SRPRB: variants seen among roughly 807,000 people sequenced by gnomAD.
The protein encoded by SRPRB is signal recognition particle receptor subunit beta.
In SRPRB, 20 loss-of-function variants were observed where a neutral mutation model predicts 31.9. The ratio of observed to expected loss-of-function variants is 0.63; its 90% confidence interval spans 0.44 to 0.91. The LOEUF (loss-of-function observed/expected upper bound fraction) is 0.91. SRPRB is among the 40% of genes least tolerant of loss of function. The probability of loss-of-function intolerance (pLI) is 0.00; values close to 1 mark genes in which losing one functional copy is unlikely to be tolerated. For missense variants in SRPRB, 321 were observed against 324.9 expected (o/e 0.99, Z 0.09); for synonymous variants, 146 against 132.8 (o/e 1.10, Z -0.68).
chr3:133,822,873 C>T (rs1935497319), downstream of SRPRB, among the ~76,000 whole-genome samples: 1 of 152,232 alleles, frequency 6.6e-6, no homozygotes, highest in Non-Finnish European at 1.5e-5. Context: ...GGAAAACAAT[C>T]CCACTTCCCT....
At chr3:133,797,217 A>G (rs1934989948) in intron 1 of SRPRB, among the ~76,000 whole-genome samples, 1 of 152,240 alleles carries the variant, frequency 6.6e-6, no homozygotes, top group Admixed American at 6.5e-5. Flanking sequence ...AAACTAATAC[A>G]TTGAGTACAC....
intron 2 of SRPRB, among the ~76,000 whole-genome samples, chr3:133,807,266 T>C (rs935769753): frequency 6.7e-6 from 1 of 149,204 alleles, no homozygotes; most frequent in Non-Finnish European, 1.5e-5. Flanking sequence ...TTTTTTTTTT[T>C]TTTTTGAGGG....
rs542805966 is a variant in SRPRB, at chr3:133,807,284, C to G, written c.250-462C>G. Among the ~76,000 whole-genome samples the G allele has an allele frequency of 6.9e-3, 914 of 132,326 alleles. 7 individuals carry two copies. The highest frequency in any genetic ancestry group is 0.011 in the Non-Finnish European group (679 of 64,630). The allele number at this position is 132,326 out of a possible 152,430, so 86.8% of individuals were successfully genotyped here. On this transcript the variant is annotated intron_variant, in intron 2 of 6. Coordinates refer to ENST00000678299, the MANE Select transcript of SRPRB (RefSeq NM_001379313.1). ...TTTTTTTTTTTTTGAGGGAGTGTCTCACTCCAATGCCCAGGCTGGAGTGCA... is the reference window on the plus strand; with the variant it reads ...TTTTTTTTTTTTTGAGGGAGTGTCTGACTCCAATGCCCAGGCTGGAGTGCA...
intron 3 of SRPRB, among the ~76,000 whole-genome samples, chr3:133,808,325 G>T (rs7650925): frequency 0.55 from 71,897 of 130,422 alleles, 19,025 homozygotes; most frequent in African/African-American, 0.75. Flanking sequence ...CTTTATTGTT[G>T]TTTTTTTTTA....
Position 133,819,913 on chromosome 3 carries a change from T to A in SRPRB, c.*147T>A. On this transcript the variant is annotated 3_prime_UTR_variant, in exon 7 of 7. Transcript: ENST00000678299. Reference sequence around the variant, plus strand: ...GAAACAAAGTACTGTTGAAACCAGCTTGGAATTTTTTTTTTTTTTTTTTTT... The same window carrying A: ...GAAACAAAGTACTGTTGAAACCAGCATGGAATTTTTTTTTTTTTTTTTTTT... 1.4e-6 allele frequency: 1 copy of A among 729,502 alleles called. No individual in the cohort carries two copies. The highest frequency in any genetic ancestry group is 2.2e-6 in the Non-Finnish European group (1 of 461,892). 45.2% of individuals were successfully genotyped at this position (729,502 alleles called of 1,614,324 possible).
At chr3:133,799,667 AT>A (rs1438894559) in intron 1 of SRPRB, among the ~76,000 whole-genome samples, 1 of 152,118 alleles carries the variant, frequency 6.6e-6, no homozygotes, top group African/African-American at 2.4e-5. Flanking sequence ...AGTTCCTGGT[AT>A]TATGCAATTG....
upstream of SRPRB, among the ~76,000 whole-genome samples, chr3:133,804,095 C>CAA (rs1205426598): frequency 0.021 from 1,230 of 57,768 alleles, 50 homozygotes; most frequent in African/African-American, 0.063. Context: ...GACTCTGTCT[C>CAA]AAAAAAAAAA....
At chr3:133,789,136 C>T (rs1199664399) in intron 1 of SRPRB, 1 of 152,332 alleles carries the variant, frequency 6.6e-6, no homozygotes, top group African/African-American at 2.4e-5. Context: ...AGACTTCAAC[C>T]TCTCCAAAGG....
intron 1 of SRPRB, 143 bp downstream of exon 1, chr3:133,806,145 C>A: frequency 8.8e-7 from 1 of 1,131,666 alleles, no homozygotes; most frequent in Non-Finnish European, 1.2e-6. Flanking sequence ...CTACACCCCA[C>A]CCTCTCTCCT....
chr3:133,801,222 GA>G (rs1394264716), upstream of SRPRB, among the ~76,000 whole-genome samples: 1 of 152,182 alleles, frequency 6.6e-6, no homozygotes, highest in East Asian at 1.9e-4. Flanking sequence ...GAAGAGAAGA[GA>G]AAAATTCCCT....
At chr3:133,794,923 A>T (rs899854070) in intron 1 of SRPRB, 1 of 152,260 alleles carries the variant, frequency 6.6e-6, no homozygotes, top group Non-Finnish European at 1.5e-5. Flanking sequence ...TTATTTGTGA[A>T]GAATTTTGCA....
At chr3:133,827,867 A>G, downstream of SRPRB, 1 of 697,928 alleles carries the variant, frequency 1.4e-6, no homozygotes, top group South Asian at 1.5e-5. Context: ...TGAGTTTCTT[A>G]GACTTGGCCC....
intron 4 of SRPRB, among the ~76,000 whole-genome samples, chr3:133,812,653 C>A (rs902026984): frequency 1.3e-5 from 2 of 152,198 alleles, no homozygotes; most frequent in Non-Finnish European, 2.9e-5. Context: ...CTGATTTGAA[C>A]ATATGCTGTT....
chr3:133,806,783 A>G, intron 2 of SRPRB, 80 bp downstream of exon 2: 1 of 1,117,554 alleles, frequency 8.9e-7, no homozygotes, highest in Non-Finnish European at 1.3e-6. Flanking sequence ...CTCACGGTTT[A>G]TTTTGTAAAA....
At chr3:133,809,050 T>C (rs1055819785) in intron 3 of SRPRB, among the ~76,000 whole-genome samples, 2 of 151,974 alleles carry the variant, frequency 1.3e-5, no homozygotes, top group Non-Finnish European at 2.9e-5. Flanking sequence ...TGGAGTGCAG[T>C]GGCATGATCT....
intron 4 of SRPRB, among the ~76,000 whole-genome samples, chr3:133,815,168 T>C (rs1935344205): frequency 1.3e-5 from 2 of 152,226 alleles, no homozygotes; most frequent in African/African-American, 4.8e-5. Context: ...ACCTGTACTT[T>C]CCAGACAGCC....
rs1935440903 is a variant in SRPRB, at chr3:133,819,927, T to C, written c.*161T>C. ...TTGAAACCAGCTTGGAATTTTTTTT[T>C]TTTTTTTTTTTAAGTTCAGTTCTCC... On this transcript the variant is annotated 3_prime_UTR_variant, in exon 7 of 7. Coordinates refer to ENST00000678299, the MANE Select transcript of SRPRB (RefSeq NM_001379313.1). 1.0e-5 allele frequency: 7 copies of C among 675,528 alleles called. No homozygotes were observed. In the South Asian group the frequency reaches 1.4e-4, roughly 14 times the overall value. 41.8% of individuals were successfully genotyped at this position (675,528 alleles called of 1,614,324 possible). A position where few individuals can be genotyped will look rare whatever the true frequency, so the allele number is the denominator to read the frequency against.
chr3:133,819,303 T>C (rs1470445324), intron 6 of SRPRB, among the ~76,000 whole-genome samples: 1 of 152,150 alleles, frequency 6.6e-6, no homozygotes, highest in Non-Finnish European at 1.5e-5. Flanking sequence ...AGAAAGTTGG[T>C]GTGACCTGGT....
rs376878572 is a variant in SRPRB, at chr3:133,811,244, G to A, written c.410+45G>A. The A allele has an allele frequency of 2.8e-5, 45 of 1,581,450 alleles. No individual in the cohort carries two copies. The African/African-American group carries it at 5.0e-4, about 18-fold the overall frequency. ...AGTGGGCTTGTCTAGGTCTGTATCTGTATATCAAAGCCACTCATGTGATTT... is the reference window on the plus strand; with the variant it reads ...AGTGGGCTTGTCTAGGTCTGTATCTATATATCAAAGCCACTCATGTGATTT... On this transcript the variant is annotated intron_variant, in intron 4 of 6. Transcript: ENST00000678299.
Sources: gnomAD v4.1 joint callset for allele counts (sites outside exome capture counted in the v4.1 genomes callset) on GRCh38, gnomAD v4.1.1 for gene constraint, MANE v1.5 for transcripts, NCBI Gene and HGNC (gene_info 2026-07-23, HGNC 2026-07-21) for gene names.